Variants in CDK13 observed in about 807,000 individuals in gnomAD.
CDK13 encodes the protein cyclin dependent kinase 13.
Under a neutral mutation model 137.6 loss-of-function variants are expected in CDK13, and 40 were observed. The ratio of observed to expected loss-of-function variants is 0.29; its 90% confidence interval spans 0.23 to 0.38. CDK13 has a LOEUF of 0.38. Among genes scored for constraint, CDK13 ranks in the 10% least tolerant of loss-of-function variants. CDK13 has a pLI of 1.00. For missense variants in CDK13, 1,704 were observed against 1,951.8 expected (o/e 0.87, Z 2.39); for synonymous variants, 869 against 760.1 (o/e 1.14, Z -2.36).
intron 7 of CDK13, among the ~76,000 whole-genome samples, chr7:40,052,342 A>G (rs1429731076): frequency 6.6e-5 from 10 of 152,030 alleles, no homozygotes. Flanking sequence ...ACGCCCAGCT[A>G]ATTTTTGTGT....
At chr7:39,975,120 A>G (rs559115230) in intron 1 of CDK13, among the ~76,000 whole-genome samples, 3 of 152,236 alleles carry the variant, frequency 2.0e-5, no homozygotes, top group Non-Finnish European at 2.9e-5. Context: ...CTCTGGTGTA[A>G]AAAAAATTCT....
chr7:40,092,349 TTTC>T (rs1786943338), intron 12 of CDK13: 2 of 157,294 alleles, frequency 1.3e-5, no homozygotes, highest in East Asian at 1.8e-4. Flanking sequence ...TCGGTGTCAG[TTTC>T]TTCTTCTCAG....
Position 39,951,808 on chromosome 7 carries a change from C to T in CDK13, c.1167C>T (p.Ser389=), listed in dbSNP as rs369306185. ...ACGTGTCCCCTAGTCCCTACAGCAG[C>T]AGCAGCTGGCGCCGCTCTCGCAGTC... ...GGDVSPSPYS[S]SSWRRSRSPY... Residue 389 remains serine, a synonymous_variant, in exon 1 of 14, where the codon AGC becomes AGT. Coordinates refer to ENST00000181839, the MANE Select transcript of CDK13 (RefSeq NM_003718.5). The T allele has an allele frequency of 2.1e-6, 3 of 1,455,152 alleles. No individual in the cohort carries two copies. The highest frequency in any genetic ancestry group is 1.5e-5 in the South Asian group (1 of 67,932). The allele number at this position is 1,455,152 out of a possible 1,614,324, so 90.1% of individuals were successfully genotyped here. A position where few individuals can be genotyped will look rare whatever the true frequency, so the allele number is the denominator to read the frequency against.
At chr7:40,044,642 T>C (rs1785694381) in intron 5 of CDK13, among the ~76,000 whole-genome samples, 2 of 151,742 alleles carry the variant, frequency 1.3e-5, no homozygotes, top group South Asian at 4.2e-4. Flanking sequence ...TGAGTATTGA[T>C]TTTTCTTTTT....
intron 1 of CDK13, among the ~76,000 whole-genome samples, chr7:39,970,017 C>CTTTT (rs869070174): frequency 7.3e-6 from 1 of 136,730 alleles, no homozygotes; most frequent in African/African-American, 2.7e-5. Context: ...GTGATTTATG[C>CTTTT]TTTTTTTTTT....
chr7:40,021,514 T>C (rs988906030), intron 5 of CDK13, among the ~76,000 whole-genome samples: 3 of 152,024 alleles, frequency 2.0e-5, no homozygotes, highest in South Asian at 4.1e-4. Flanking sequence ...TAATAATTTG[T>C]CTGTTTTAAC....
chr7:40,046,335 T>G (rs1785739709), intron 6 of CDK13, among the ~76,000 whole-genome samples: 1 of 152,154 alleles, frequency 6.6e-6, no homozygotes. Flanking sequence ...TTTAGTTTAC[T>G]TTATACAAAC....
chr7:39,986,459 G>A (rs1784339958), intron 1 of CDK13: 1 of 152,188 alleles, frequency 6.6e-6, no homozygotes, highest in South Asian at 2.1e-4. Context: ...TATAGAGCCA[G>A]AAGCCTGAAA....
chr7:40,063,298 TG>T (rs1786196487), intron 9 of CDK13, among the ~76,000 whole-genome samples, 198 bp downstream of exon 9: 1 of 152,134 alleles, frequency 6.6e-6, no homozygotes, highest in African/African-American at 2.4e-5. Flanking sequence ...TCAAAGCCCC[TG>T]GGTGGGTGCA....
intron 5 of CDK13, among the ~76,000 whole-genome samples, chr7:40,010,240 C>T (rs1179837716): frequency 6.6e-6 from 1 of 152,052 alleles, no homozygotes; most frequent in Non-Finnish European, 1.5e-5. Flanking sequence ...GATCATCAGG[C>T]ATCAGATTCT....
At position 39,951,042 on chromosome 7, in the gene CDK13, C is replaced by G. The variant is rs920813876; in HGVS notation, c.401C>G (p.Ala134Gly). Residue 134 changes from alanine (A) to glycine (G), a missense_variant, in exon 1 of 14, where the codon GCT (alanine) becomes GGT (glycine). Transcript: ENST00000181839. ...CCGCAGCAGGACGGCGGTGGCGGTGCTAGTAGCGGCGGGGGTGTGACCCCG... is the reference window on the plus strand; with the variant it reads ...CCGCAGCAGGACGGCGGTGGCGGTGGTAGTAGCGGCGGGGGTGTGACCCCG... ...PQPQQDGGGG[A>G]SSGGGVTPLV... 1.2e-5 allele frequency: 15 copies of G among 1,288,538 alleles called. No homozygotes were observed. The Admixed American group carries it at 2.1e-4, about 18-fold the overall frequency. 79.8% of individuals were successfully genotyped at this position (1,288,538 alleles called of 1,614,324 possible).
rs188701962 is a variant in CDK13, at chr7:40,035,119, T to C, written c.2354-10717T>C. Among the ~76,000 whole-genome samples, 6 of 152,340 alleles carry C rather than the reference T, an allele frequency of 3.9e-5. No homozygotes were observed. The East Asian group carries it at 9.6e-4, about 24-fold the overall frequency. On this transcript the variant is annotated intron_variant, in intron 5 of 13. Transcript: ENST00000181839. ...TAATATTTTTCTAAGGATATGTATA[T>C]ATATCAGCTTTCCTACCATAATGAA...
chr7:40,012,904 T>A (rs1283533410), intron 5 of CDK13, among the ~76,000 whole-genome samples: 1 of 131,542 alleles, frequency 7.6e-6, no homozygotes, highest in African/African-American at 3.1e-5. Flanking sequence ...CAAGTGAGAC[T>A]CTGTGTCAAA....
chr7:40,039,959 A>C (rs183738809), intron 5 of CDK13, among the ~76,000 whole-genome samples: 43 of 151,502 alleles, frequency 2.8e-4, no homozygotes, highest in Middle Eastern at 3.5e-3. Context: ...GTGTTTTTTT[A>C]AAAGTACTTT....
At chr7:40,005,339 G>A (rs1784776036) in intron 5 of CDK13, among the ~76,000 whole-genome samples, 1 of 150,564 alleles carries the variant, frequency 6.6e-6, no homozygotes, top group Non-Finnish European at 1.5e-5. Flanking sequence ...GCCCAGGCTG[G>A]AGTGCAGTGG....
At chr7:39,961,434 C>G (rs190347995) in intron 1 of CDK13, among the ~76,000 whole-genome samples, 2 of 152,214 alleles carry the variant, frequency 1.3e-5, no homozygotes, top group Non-Finnish European at 2.9e-5. Context: ...CCCAATAGAT[C>G]GCTAAAATTT....
chr7:40,099,548 A>G lies in CDK13; in HGVS notation c.*4568A>G, dbSNP rs1787102014. On this transcript the variant is annotated 3_prime_UTR_variant, in exon 14 of 14. Coordinates refer to ENST00000181839, the MANE Select transcript of CDK13 (RefSeq NM_003718.5). ...TACCATTTTTTTAAGGCCGTATTCAATAGTCTGTAAATAAATTGCCGTAAC... is the reference window on the plus strand; with the variant it reads ...TACCATTTTTTTAAGGCCGTATTCAGTAGTCTGTAAATAAATTGCCGTAAC... 6.6e-6 allele frequency: 1 copy of G among 152,182 alleles called. No homozygotes were observed. Among genetic ancestry groups the G allele is most frequent in the Non-Finnish European group, 1.5e-5 (1 of 68,032 alleles). The allele number at this position is 152,182 out of a possible 1,614,324, so 9.4% of individuals were successfully genotyped here. A position where few individuals can be genotyped will look rare whatever the true frequency, so the allele number is the denominator to read the frequency against.
intron 5 of CDK13, among the ~76,000 whole-genome samples, chr7:40,042,381 GT>G (rs1278775363): frequency 6.7e-6 from 1 of 148,238 alleles, no homozygotes; most frequent in Non-Finnish European, 1.5e-5. Flanking sequence ...ACACCCAGCC[GT>G]TTTTGTATTG....
At chr7:39,968,269 C>G (rs1252541298) in intron 1 of CDK13, among the ~76,000 whole-genome samples, 2 of 152,052 alleles carry the variant, frequency 1.3e-5, no homozygotes, top group East Asian at 1.9e-4. Flanking sequence ...TTTTTGTTCC[C>G]TGTACTTTTG....
Sources: allele counts gnomAD v4.1 joint callset (sites outside exome capture counted in the v4.1 genomes callset), GRCh38; gene constraint gnomAD v4.1.1; transcripts MANE v1.5; gene names NCBI Gene and HGNC (gene_info 2026-07-23, HGNC 2026-07-21).